SKA2: variants seen among roughly 807,000 people sequenced by gnomAD.
SKA2 encodes spindle and kinetochore-associated protein 2.
In SKA2, 13 loss-of-function variants were observed where a neutral mutation model predicts 16.9. The observed-to-expected ratio is 0.77, with a 90% CI of 0.50 to 1.22. SKA2 has a LOEUF of 1.22. SKA2 is among the 50% of genes most tolerant of loss of function. The probability of loss-of-function intolerance (pLI) is 0.00; values close to 1 mark genes in which losing one functional copy is unlikely to be tolerated. For synonymous variants in SKA2, 47 were observed against 48.5 expected, an observed-to-expected ratio of 0.97 and a Z score of 0.13; for missense variants, 107 against 139.7, an observed-to-expected ratio of 0.77 and a Z score of 1.18.
At chr17:59,145,191 T>C (rs1307108970) in intron 1 of SKA2, among the ~76,000 whole-genome samples, 1 of 152,210 alleles carries the variant, frequency 6.6e-6, no homozygotes, top group Non-Finnish European at 1.5e-5. Flanking sequence ...CACTTAAAAT[T>C]GTTAAGATCA....
intron 3 of SKA2, among the ~76,000 whole-genome samples, chr17:59,114,601 G>A (rs758295219): frequency 2.7e-4 from 41 of 152,164 alleles, no homozygotes; most frequent in African/African-American, 8.9e-4. Flanking sequence ...TGACCAAAAC[G>A]TCATTATGCA....
chr17:59,154,986 G>C (rs2046611915), intron 1 of SKA2, 145 bp downstream of exon 1: 2 of 1,613,868 alleles, frequency 1.2e-6, no homozygotes, highest in Non-Finnish European at 1.7e-6. Context: ...GACGGTGGCG[G>C]CTCCCTTTGG....
At chr17:59,136,135 G>A (rs754736284) in intron 1 of SKA2, among the ~76,000 whole-genome samples, 4 of 151,912 alleles carry the variant, frequency 2.6e-5, no homozygotes, top group African/African-American at 9.7e-5. Flanking sequence ...TGTATAGAAC[G>A]TCTAATAACA....
At chr17:59,113,759 G>A (rs974204059) in intron 3 of SKA2, among the ~76,000 whole-genome samples, 8 of 151,746 alleles carry the variant, frequency 5.3e-5, no homozygotes, top group African/African-American at 1.9e-4. Context: ...CCGGGAGGTG[G>A]AGGTTACAGT....
At chr17:59,149,469 G>A (rs544067215) in intron 1 of SKA2, among the ~76,000 whole-genome samples, 4 of 151,880 alleles carry the variant, frequency 2.6e-5, no homozygotes, top group South Asian at 2.1e-4. Flanking sequence ...TCACACCACC[G>A]CACTCCAGCC....
chr17:59,150,773 C>A (rs1458333255), intron 1 of SKA2, among the ~76,000 whole-genome samples: 1 of 152,022 alleles, frequency 6.6e-6, no homozygotes, highest in Non-Finnish European at 1.5e-5. Flanking sequence ...GGGCAAGTAA[C>A]TGCAGGAAAA....
At position 59,140,284 on chromosome 17, in the gene SKA2, C is replaced by T. The variant is rs181473341; in HGVS notation, c.34-8917G>A. Among the ~76,000 whole-genome samples, 5 of 151,820 alleles carry T rather than the reference C, an allele frequency of 3.3e-5. No individual in the cohort carries two copies. The East Asian group carries it at 9.7e-4, about 29-fold the overall frequency. ...CGCTCTTGTCCCCCAGGCTGAAGTGCAATGGCACGATCTCAGCTCACTGGG... is the reference window on the plus strand; with the variant it reads ...CGCTCTTGTCCCCCAGGCTGAAGTGTAATGGCACGATCTCAGCTCACTGGG... On this transcript the variant is annotated intron_variant, in intron 1 of 3. Transcript: ENST00000330137.
intron 1 of SKA2, among the ~76,000 whole-genome samples, chr17:59,152,012 T>C (rs2046581242): frequency 6.6e-6 from 1 of 152,184 alleles, no homozygotes; most frequent in African/African-American, 2.4e-5. Context: ...GTAACAAGTT[T>C]CCTTAGTTCC....
chr17:59,123,090 CAAT>C (rs1056120620), intron 2 of SKA2, among the ~76,000 whole-genome samples: 13 of 136,686 alleles, frequency 9.5e-5, no homozygotes, highest in African/African-American at 3.5e-4. Flanking sequence ...AAAAAGAAAA[CAAT>C]TATTAGCTCT....
chr17:59,142,316 G>A (rs575868821), intron 1 of SKA2, among the ~76,000 whole-genome samples: 9 of 147,192 alleles, frequency 6.1e-5, no homozygotes, highest in Non-Finnish European at 1.0e-4. Flanking sequence ...TTGAGATGGC[G>A]TTTCGCTCTT....
intron 2 of SKA2, among the ~76,000 whole-genome samples, chr17:59,127,395 T>G (rs1047543392): frequency 6.6e-6 from 1 of 152,164 alleles, no homozygotes; most frequent in African/African-American, 2.4e-5. Flanking sequence ...ATTTCTTTTC[T>G]TTTCTTTTCT....
At chr17:59,135,249 T>C (rs2046436346) in intron 1 of SKA2, among the ~76,000 whole-genome samples, 1 of 151,882 alleles carries the variant, frequency 6.6e-6, no homozygotes, top group Admixed American at 6.6e-5. Context: ...TAACTTTTAT[T>C]TTAGGAAGAT....
At chr17:59,127,181 A>G (rs1030382872) in intron 2 of SKA2, among the ~76,000 whole-genome samples, 4 of 152,144 alleles carry the variant, frequency 2.6e-5, no homozygotes, top group Non-Finnish European at 5.9e-5. Flanking sequence ...GAGATTGATG[A>G]TGGTGATATT....
intron 3 of SKA2, among the ~76,000 whole-genome samples, chr17:59,117,725 T>C (rs2046306419): frequency 6.6e-6 from 1 of 152,014 alleles, no homozygotes; most frequent in South Asian, 2.1e-4. Context: ...GTGCCCAGCA[T>C]ACTACCTCAT....
Position 59,112,018 on chromosome 17 carries a change from A to AGT in SKA2, c.*257_*258dup. The AGT allele has an allele frequency of 3.9e-4, 138 of 350,556 alleles. No individual in the cohort carries two copies. The highest frequency in any genetic ancestry group is 5.5e-4 in the South Asian group (7 of 12,706). The allele number at this position is 350,556 out of a possible 1,614,324, so 21.7% of individuals were successfully genotyped here. On this transcript the variant is annotated 3_prime_UTR_variant, in exon 4 of 4. Coordinates refer to ENST00000330137, the MANE Select transcript of SKA2 (RefSeq NM_182620.4). ...TTTCTGGCCTGAAATTACAAGACTA[A>AGT]GTGTGTGTGTGCATGCGTGTGTACA...
intron 1 of SKA2, among the ~76,000 whole-genome samples, chr17:59,152,118 G>T (rs1017451477): frequency 3.9e-5 from 6 of 152,106 alleles, no homozygotes; most frequent in African/African-American, 1.4e-4. Flanking sequence ...GTATCACACT[G>T]CATTACCTTT....
intron 3 of SKA2, among the ~76,000 whole-genome samples, chr17:59,115,979 A>G (rs1017421129): frequency 2.0e-5 from 3 of 151,984 alleles, no homozygotes; most frequent in African/African-American, 7.3e-5. Context: ...ATTATTATAT[A>G]TGTTTTGGGC....
chr17:59,128,602 G>A (rs1029122766), intron 2 of SKA2, among the ~76,000 whole-genome samples: 2 of 151,142 alleles, frequency 1.3e-5, no homozygotes, highest in Non-Finnish European at 2.9e-5. Context: ...CTCCAGCCTG[G>A]GTGACAGAGC....
At chr17:59,134,026 G>A (rs1342994611) in intron 1 of SKA2, among the ~76,000 whole-genome samples, 3 of 152,104 alleles carry the variant, frequency 2.0e-5, no homozygotes, top group African/African-American at 7.2e-5. Flanking sequence ...CAGATGAGAT[G>A]CCACGATTAA....
Sources: gnomAD v4.1 joint callset for allele counts (sites outside exome capture counted in the v4.1 genomes callset) on GRCh38, gnomAD v4.1.1 for gene constraint, MANE v1.5 for transcripts, NCBI Gene and HGNC (gene_info 2026-07-23, HGNC 2026-07-21) for gene names.